The following RNF180 variants were observed in gnomAD, a reference collection of about 807,000 sequenced individuals.
RNF180 encodes E3 ubiquitin-protein ligase RNF180.
A neutral mutation model predicts 59.2 loss-of-function variants in RNF180; 38 were observed. The observed-to-expected ratio is 0.64, with a 90% CI of 0.50 to 0.84. The LOEUF (loss-of-function observed/expected upper bound fraction) is 0.84, where lower values mean the gene tolerates loss of function less well. Among genes scored for constraint, RNF180 ranks in the 40% least tolerant of loss-of-function variants. The pLI is 0.00. For missense variants in RNF180, 705 were observed against 700.9 expected (o/e 1.01, Z -0.07); for synonymous variants, 262 against 240.3 (o/e 1.09, Z -0.84).
chr5:64,182,381 T>C (rs1464699539), intron 1 of RNF180, among the ~76,000 whole-genome samples: 3 of 152,204 alleles, frequency 2.0e-5, no homozygotes, highest in African/African-American at 7.2e-5. Flanking sequence ...AATATTTTAT[T>C]GTGAAACTAG....
At chr5:64,291,108 A>T (rs913512675) in intron 5 of RNF180, among the ~76,000 whole-genome samples, 1 of 152,162 alleles carries the variant, frequency 6.6e-6, no homozygotes, top group African/African-American at 2.4e-5. Flanking sequence ...TTGGCCAGAT[A>T]TGGAATTCTA....
chr5:64,352,935 T>C (rs1745874946), intron 7 of RNF180, among the ~76,000 whole-genome samples: 1 of 151,894 alleles, frequency 6.6e-6, no homozygotes, highest in Admixed American at 6.6e-5. Context: ...TTTTTATTTT[T>C]AATCTGTAAA....
chr5:64,203,127 G>A (rs935689655), intron 2 of RNF180, among the ~76,000 whole-genome samples: 2 of 152,148 alleles, frequency 1.3e-5, no homozygotes, highest in African/African-American at 4.8e-5. Context: ...GATGTATTGG[G>A]ATGGATAGTG....
intron 5 of RNF180, among the ~76,000 whole-genome samples, chr5:64,283,461 G>T (rs138195061): frequency 6.6e-6 from 1 of 152,088 alleles, no homozygotes; most frequent in African/African-American, 2.4e-5. Flanking sequence ...AGGGCATTTA[G>T]CTTGTTTACT....
rs115902567 is a variant in RNF180 at position 64,191,637 on chromosome 5, T to C, written c.1-9171T>C. Among the ~76,000 whole-genome samples the C allele has an allele frequency of 3.4e-3, 523 of 152,338 alleles. 2 individuals are homozygous for C. Among genetic ancestry groups the C allele is most frequent in the African/African-American group, 0.011 (475 of 41,580 alleles). On this transcript the variant is annotated intron_variant, in intron 1 of 7. Coordinates refer to ENST00000389100, the MANE Select transcript of RNF180 (RefSeq NM_001113561.2). ...ATGACTTTAAAGACTAATATGTCAG[T>C]GTTTAATTGGCTTATGTTTTGCTAT...
chr5:64,307,611 A>C (rs1253059019), intron 5 of RNF180, among the ~76,000 whole-genome samples: 1 of 151,698 alleles, frequency 6.6e-6, no homozygotes, highest in East Asian at 1.9e-4. Flanking sequence ...ATAACTTAAA[A>C]ATATCATAAG....
At chr5:64,314,636 T>A (rs1743945711) in intron 5 of RNF180, among the ~76,000 whole-genome samples, 1 of 152,146 alleles carries the variant, frequency 6.6e-6, no homozygotes, top group South Asian at 2.1e-4. Flanking sequence ...AACTAAAAAA[T>A]TTAAGATATT....
intron 7 of RNF180, among the ~76,000 whole-genome samples, chr5:64,334,215 C>T (rs1277999347): frequency 6.6e-6 from 1 of 152,168 alleles, no homozygotes; most frequent in Non-Finnish European, 1.5e-5. Context: ...AAAAGTGTTT[C>T]CCCCTCCAAC....
At chr5:64,203,555 A>G (rs1205654064) in intron 2 of RNF180, among the ~76,000 whole-genome samples, 1 of 152,202 alleles carries the variant, frequency 6.6e-6, no homozygotes, top group African/African-American at 2.4e-5. Context: ...TATAAACATA[A>G]TAAAAGATGT....
chr5:64,287,315 A>G (rs763946117), intron 5 of RNF180, among the ~76,000 whole-genome samples: 4 of 152,188 alleles, frequency 2.6e-5, no homozygotes, highest in Non-Finnish European at 5.9e-5. Context: ...TCAGGTTACC[A>G]TAGTCAAATG....
rs373212886 is a variant in RNF180 at position 64,228,915 on chromosome 5, CTTTTT to C, written c.1227+11539_1227+11543del. ...CCATGACCAAAACTTTCTATTACTG[CTTTTT>C]TTTTTTTTTTTTTTTTTTTGAGACA... On this transcript the variant is annotated intron_variant, in intron 5 of 7. Transcript: ENST00000389100. Among the ~76,000 whole-genome samples, 387 of 98,490 alleles carry C rather than the reference CTTTTT, an allele frequency of 3.9e-3. 1 individual carries two copies. Among genetic ancestry groups the C allele is most frequent in the South Asian group, 0.012 (31 of 2,582 alleles). 64.6% of individuals were successfully genotyped at this position (98,490 alleles called of 152,430 possible).
At chr5:64,328,278 C>T (rs1744746195) in intron 6 of RNF180, among the ~76,000 whole-genome samples, 2 of 152,112 alleles carry the variant, frequency 1.3e-5, no homozygotes, top group South Asian at 2.1e-4. Context: ...AAGAAAAAGA[C>T]CAGTATTACT....
intron 5 of RNF180, among the ~76,000 whole-genome samples, chr5:64,288,341 C>T (rs935356041): frequency 6.6e-6 from 1 of 152,128 alleles, no homozygotes; most frequent in Non-Finnish European, 1.5e-5. Context: ...TGTGATGCCT[C>T]CAGCTTTGTT....
At chr5:64,319,204 A>G (rs779344468) in intron 5 of RNF180, among the ~76,000 whole-genome samples, 3 of 152,048 alleles carry the variant, frequency 2.0e-5, no homozygotes, top group Admixed American at 2.0e-4. Context: ...TTGTATCTAT[A>G]AAAAGGTTAC....
intron 5 of RNF180, among the ~76,000 whole-genome samples, chr5:64,242,233 T>A (rs952119164): frequency 1.4e-4 from 21 of 152,316 alleles, no homozygotes; most frequent in Middle Eastern, 3.4e-3. Context: ...CAGCACCACC[T>A]ACATCTGCCA....
chr5:64,228,514 AAAAAT>A (rs1741910397), intron 5 of RNF180, among the ~76,000 whole-genome samples: 1 of 152,330 alleles, frequency 6.6e-6, no homozygotes, highest in African/African-American at 2.4e-5. Flanking sequence ...ACCCTGTCTC[AAAAAT>A]AAAATAAAAT....
intron 5 of RNF180, among the ~76,000 whole-genome samples, chr5:64,261,459 C>A (rs1340176474): frequency 6.6e-6 from 1 of 152,170 alleles, no homozygotes; most frequent in Non-Finnish European, 1.5e-5. Context: ...GGTATCGCTA[C>A]TTCTTTCAAA....
At chr5:64,350,275 G>A (rs1450172156) in intron 7 of RNF180, among the ~76,000 whole-genome samples, 1 of 151,778 alleles carries the variant, frequency 6.6e-6, no homozygotes, top group Non-Finnish European at 1.5e-5. Flanking sequence ...TTTTTTTCTT[G>A]TAAATTTGTT....
At chr5:64,173,665 A>G (rs375996353) in intron 1 of RNF180, among the ~76,000 whole-genome samples, 1 of 143,640 alleles carries the variant, frequency 7.0e-6, no homozygotes, top group East Asian at 2.0e-4. Flanking sequence ...CCCCTTTTCT[A>G]CTTCCCAGAT....
Sources: gnomAD v4.1 joint callset for allele counts (sites outside exome capture counted in the v4.1 genomes callset) on GRCh38, gnomAD v4.1.1 for gene constraint, MANE v1.5 for transcripts, NCBI Gene and HGNC (gene_info 2026-07-23, HGNC 2026-07-21) for gene names.